YTHDF2: variants seen among roughly 807,000 people sequenced by gnomAD.
YTHDF2 encodes YTH N6-methyladenosine RNA binding protein F2.
Under a neutral mutation model 50.4 loss-of-function variants are expected in YTHDF2, and 2 were observed. That is an observed-to-expected ratio of 0.04 (90% confidence interval 0.02 to 0.12). YTHDF2 has a LOEUF of 0.12. Ranked by LOEUF, YTHDF2 falls within the 10% of genes least tolerant of loss-of-function variation. The probability of loss-of-function intolerance (pLI) is 1.00; values close to 1 mark genes in which losing one functional copy is unlikely to be tolerated. For synonymous variants in YTHDF2, 217 were observed against 255.6 expected (o/e 0.85, Z 1.44); for missense variants, 483 against 722.6 (o/e 0.67, Z 3.80).
In YTHDF2 at chr1:28,736,948, G is replaced by C. The variant is rs996216441; in HGVS notation, c.-173G>C. 1.3e-6 allele frequency: 1 copy of C among 740,974 alleles called. No homozygotes were observed. The highest frequency in any genetic ancestry group is 1.8e-5 in the African/African-American group (1 of 54,280). 45.9% of individuals were successfully genotyped at this position (740,974 alleles called of 1,614,324 possible). A position where few individuals can be genotyped will look rare whatever the true frequency, so the allele number is the denominator to read the frequency against. ...CATTGAGCTCTTGGGCTAGAGCGTC[G>C]CCGAGTCGGAGCCGGAGCCTGAGCC... On this transcript the variant is annotated 5_prime_UTR_variant, in exon 1 of 5. Transcript: ENST00000373812.
intron 4 of YTHDF2, among the ~76,000 whole-genome samples, chr1:28,764,849 G>GT (rs1163735389): frequency 6.6e-6 from 1 of 151,760 alleles, no homozygotes; most frequent in African/African-American, 2.4e-5. Context: ...AGGCCTTAAT[G>GT]TTTTTTTGTT....
intron 4 of YTHDF2, among the ~76,000 whole-genome samples, chr1:28,759,512 C>G (rs2088083700): frequency 6.6e-6 from 1 of 152,178 alleles, no homozygotes; most frequent in African/African-American, 2.4e-5. Flanking sequence ...GTAGAGCCTA[C>G]TACACAACTT....
chr1:28,738,471 GTC>G, intron 3 of YTHDF2, 133 bp downstream of exon 3: 1 of 831,672 alleles, frequency 1.2e-6, no homozygotes, highest in Non-Finnish European at 1.9e-6. Flanking sequence ...TTGAGACTGA[GTC>G]TCGCTCTGAC....
intron 4 of YTHDF2, among the ~76,000 whole-genome samples, chr1:28,745,472 G>A (rs976671850): frequency 2.6e-5 from 4 of 151,834 alleles, no homozygotes; most frequent in Non-Finnish European, 5.9e-5. Context: ...CATGGCTCAC[G>A]CCTATAATCC....
Position 28,769,562 on chromosome 1 carries a change from T to C in YTHDF2, c.*610T>C, listed in dbSNP as rs2088274126. 1 of 152,686 alleles carries C rather than the reference T, an allele frequency of 6.5e-6. No individual in the cohort carries two copies. The allele number at this position is 152,686 out of a possible 1,614,324, so 9.5% of individuals were successfully genotyped here. A position where few individuals can be genotyped will look rare whatever the true frequency, so the allele number is the denominator to read the frequency against. Reference sequence around the variant, plus strand: ...AGTCCTAAGAAATGTTCTGTTCTTGTACATTATACTGATTAAGTCAGGATT... The same window carrying C: ...AGTCCTAAGAAATGTTCTGTTCTTGCACATTATACTGATTAAGTCAGGATT... On this transcript the variant is annotated 3_prime_UTR_variant, in exon 5 of 5. Coordinates refer to ENST00000373812, the MANE Select transcript of YTHDF2 (RefSeq NM_016258.3).
chr1:28,760,369 A>G (rs2088102947), intron 4 of YTHDF2, among the ~76,000 whole-genome samples: 1 of 150,580 alleles, frequency 6.6e-6, no homozygotes, highest in African/African-American at 2.4e-5. Flanking sequence ...ATCTTGGCTC[A>G]CTGCAAGCTC....
chr1:28,744,794 G>C (rs2087834099), intron 4 of YTHDF2, among the ~76,000 whole-genome samples: 1 of 151,988 alleles, frequency 6.6e-6, no homozygotes, highest in African/African-American at 2.4e-5. Context: ...TCAGCTTCGT[G>C]ACTAGCTGGG....
rs1160646843 is a variant in YTHDF2 at position 28,744,006 on chromosome 1, T to A, written c.1716+20T>A. 3 of 1,519,186 alleles carry A rather than the reference T, an allele frequency of 2.0e-6. No homozygotes were observed. The African/African-American group carries it at 4.2e-5, about 21-fold the overall frequency. The allele number at this position is 1,519,186 out of a possible 1,614,324, so 94.1% of individuals were successfully genotyped here. On this transcript the variant is annotated intron_variant, in intron 4 of 4. Transcript: ENST00000373812. ...AAAAAGGTAACCCACTTCTTCTTAT[T>A]AAGATTTTTAGGGAAGGAGGAACCA...
chr1:28,753,381 A>C (rs1278341468), intron 4 of YTHDF2, among the ~76,000 whole-genome samples: 18 of 143,152 alleles, frequency 1.3e-4, no homozygotes, highest in Admixed American at 2.8e-4. Context: ...AAAAAAAAAA[A>C]AAAAAAAAAA....
intron 2 of YTHDF2, 188 bp downstream of exon 2, chr1:28,737,870 G>C (rs1285933842): frequency 4.5e-6 from 3 of 665,316 alleles, no homozygotes; most frequent in Non-Finnish European, 7.6e-6. Context: ...TCGCTAACAA[G>C]GAGTAATTCA....
intron 4 of YTHDF2, 44 bp from the exon 5 acceptor site, chr1:28,768,879 GCATGTT>G (rs752019188): frequency 6.8e-7 from 1 of 1,463,458 alleles, no homozygotes; most frequent in Non-Finnish European, 9.4e-7. Flanking sequence ...AATTCATAAA[GCATGTT>G]CAGATAATTT....
At chr1:28,753,010 A>G (rs1003021887) in intron 4 of YTHDF2, among the ~76,000 whole-genome samples, 6 of 151,980 alleles carry the variant, frequency 3.9e-5, no homozygotes, top group African/African-American at 9.7e-5. Context: ...ATGCCACTGC[A>G]CCCCAGCCTG....
chr1:28,764,829 C>T (rs1018318753), intron 4 of YTHDF2, among the ~76,000 whole-genome samples: 1 of 152,130 alleles, frequency 6.6e-6, no homozygotes, highest in African/African-American at 2.4e-5. Flanking sequence ...CTCGGGTGAT[C>T]CACCGTGCCA....
chr1:28,762,421 A>G (rs952298481), intron 4 of YTHDF2, among the ~76,000 whole-genome samples: 1 of 152,228 alleles, frequency 6.6e-6, no homozygotes, highest in Admixed American at 6.5e-5. Context: ...CTCCGTCTCA[A>G]AGAATGACTC....
intron 4 of YTHDF2, among the ~76,000 whole-genome samples, chr1:28,750,470 G>T (rs1570470026): frequency 6.6e-6 from 1 of 152,156 alleles, no homozygotes; most frequent in African/African-American, 2.4e-5. Context: ...TGTAGAGGGG[G>T]TTCATACATA....
Position 28,742,608 on chromosome 1 carries a change from G to A in YTHDF2, c.338G>A (p.Ser113Asn). The A allele has an allele frequency of 6.2e-7, 1 of 1,614,012 alleles. No homozygotes were observed. The highest frequency in any genetic ancestry group is 8.5e-7 in the Non-Finnish European group (1 of 1,179,958). The change falls in exon 4 of 5, where the codon AGC (serine) becomes AAC (asparagine). Residue 113 changes from serine to asparagine, a missense_variant. Ser to Asn is a conservative substitution (Grantham distance 46, BLOSUM62 1). Coordinates refer to ENST00000373812, the MANE Select transcript of YTHDF2 (RefSeq NM_016258.3). The part of the protein sequence containing the change: ...AMFGQPGALG[S>N]TPFLGQHGFN... Reference sequence around the variant, plus strand: ...TTTGGGCAACCAGGAGCCCTAGGTAGCACTCCATTTCTTGGTCAGCATGGT... The same window carrying A: ...TTTGGGCAACCAGGAGCCCTAGGTAACACTCCATTTCTTGGTCAGCATGGT...
chr1:28,761,797 C>T (rs1362244036), intron 4 of YTHDF2, among the ~76,000 whole-genome samples: 1 of 152,120 alleles, frequency 6.6e-6, no homozygotes, highest in Non-Finnish European at 1.5e-5. Flanking sequence ...TGGTCCCAGC[C>T]TCCCAAAGTG....
At chr1:28,747,355 A>G (rs1188551922) in intron 4 of YTHDF2, among the ~76,000 whole-genome samples, 2 of 151,654 alleles carry the variant, frequency 1.3e-5, no homozygotes, top group East Asian at 3.9e-4. Flanking sequence ...GCAGATCACG[A>G]TGTCAGGAGT....
At chr1:28,765,211 C>A (rs1233947425) in intron 4 of YTHDF2, among the ~76,000 whole-genome samples, 1 of 152,004 alleles carries the variant, frequency 6.6e-6, no homozygotes, top group African/African-American at 2.4e-5. Flanking sequence ...CCACCTTGCC[C>A]AGGCTGGTCT....
Sources: gnomAD v4.1 joint callset for allele counts (sites outside exome capture counted in the v4.1 genomes callset) on GRCh38, gnomAD v4.1.1 for gene constraint, MANE v1.5 for transcripts, NCBI Gene and HGNC (gene_info 2026-07-23, HGNC 2026-07-21) for gene names.